Variants in MAP3K5 observed in about 807,000 individuals in gnomAD.
The protein encoded by MAP3K5 is ASK-1.
In MAP3K5, 56 loss-of-function variants were observed where a neutral mutation model predicts 158.7. That is an observed-to-expected ratio of 0.35 (90% CI 0.28 to 0.44). The LOEUF is 0.44. Among genes scored for constraint, MAP3K5 ranks in the 20% least tolerant of loss-of-function variants. MAP3K5 has a pLI of 1.00. For synonymous variants in MAP3K5, 579 were observed against 601.7 expected, an observed-to-expected ratio of 0.96 and a Z score of 0.55; for missense variants, 1,294 against 1,674.8, an observed-to-expected ratio of 0.77 and a Z score of 3.97.
intron 9 of MAP3K5, among the ~76,000 whole-genome samples, chr6:136,658,763 G>T (rs1345882999): frequency 1.3e-5 from 2 of 152,180 alleles, no homozygotes; most frequent in Non-Finnish European, 2.9e-5. Context: ...ACTCAAATGT[G>T]TCATCAGTCA....
chr6:136,562,605 C>G lies in MAP3K5; in HGVS notation c.3772G>C (p.Glu1258Gln). The G allele has an allele frequency of 6.3e-7, 1 of 1,585,594 alleles. No individual in the cohort carries two copies. The highest frequency in any genetic ancestry group is 8.6e-7 in the Non-Finnish European group (1 of 1,160,160). ...MKIETNRLLE[E>Q]LVRKEKELQA... ...AATTCTTTCTCTTTCCGAACCAATT[C>G]TTCCAGTAATCTGCAGAAGAAAAAT... Residue 1258 changes from glutamate to glutamine, a missense_variant, in exon 27 of 30, where the codon GAA becomes CAA. By Grantham distance (29) the Glu-to-Gln change is conservative. Around this residue, in one of 5 missense-constraint regions of MAP3K5, gnomAD observed 199 missense variants for 220.3 expected, o/e 0.90. Coordinates refer to ENST00000359015, the MANE Select transcript of MAP3K5 (RefSeq NM_005923.4).
At position 136,613,304 on chromosome 6, in the gene MAP3K5, C is replaced by A; in HGVS notation, c.2279-48G>T. ...AAATAAATCCTCATTCAAATGAGCT[C>A]TTTAAAGTGTATTAATAATGTAACA... On this transcript the variant is annotated intron_variant, in intron 16 of 29. Coordinates refer to ENST00000359015, the MANE Select transcript of MAP3K5 (RefSeq NM_005923.4). This position sits in a 1 kb window ranked among gnomAD's most constrained non-coding sequence, Gnocchi z 4.0. 1.3e-6 allele frequency: 2 copies of A among 1,531,274 alleles called. No individual in the cohort carries two copies. Among genetic ancestry groups the A allele is most frequent in the South Asian group, 2.4e-5 (2 of 84,650 alleles). The allele number at this position is 1,531,274 out of a possible 1,614,324, so 94.9% of individuals were successfully genotyped here.
At chr6:136,699,632 G>A (rs1490058897) in intron 3 of MAP3K5, among the ~76,000 whole-genome samples, 1 of 152,180 alleles carries the variant, frequency 6.6e-6, no homozygotes, top group Non-Finnish European at 1.5e-5. Context: ...ATAAACTGGT[G>A]CAAACAAAAG....
chr6:136,791,797 C>G lies in MAP3K5; in HGVS notation c.361G>C (p.Glu121Gln). 1 of 1,613,734 alleles carries G rather than the reference C, an allele frequency of 6.2e-7. No homozygotes were observed. The highest frequency in any genetic ancestry group is 8.5e-7 in the Non-Finnish European group (1 of 1,180,024). The change falls in exon 1 of 30, where the codon GAG (glutamate) becomes CAG (glutamine). Residue 121 changes from glutamate to glutamine, a missense_variant. Glu to Gln is a conservative substitution (Grantham distance 29, BLOSUM62 2). Coordinates refer to ENST00000359015, the MANE Select transcript of MAP3K5 (RefSeq NM_005923.4). ...GTTTCCAGGGTGGCGCCCACTGTCTCGCACGCCTCCCGCAAGCTCTGCAGG... is the reference window on the plus strand; with the variant it reads ...GTTTCCAGGGTGGCGCCCACTGTCTGGCACGCCTCCCGCAAGCTCTGCAGG... ...EALQSLREACETVGATLETLH... is the reference protein window; with the variant it reads ...EALQSLREACQTVGATLETLH...
intron 11 of MAP3K5, among the ~76,000 whole-genome samples, chr6:136,643,165 G>T (rs1192532154): frequency 6.6e-6 from 1 of 152,134 alleles, no homozygotes; most frequent in African/African-American, 2.4e-5. Flanking sequence ...TCAAAAATTT[G>T]ATTGTCATAC....
At chr6:136,690,329 T>C (rs563199524) in intron 7 of MAP3K5, among the ~76,000 whole-genome samples, 1 of 152,296 alleles carries the variant, frequency 6.6e-6, no homozygotes, top group South Asian at 2.1e-4. Context: ...TTTTTTTATG[T>C]TAAAACTTTA....
intron 24 of MAP3K5, among the ~76,000 whole-genome samples, chr6:136,582,242 A>ATG (rs1285453972): frequency 6.2e-5 from 9 of 145,978 alleles, no homozygotes; most frequent in African/African-American, 2.3e-4. Context: ...GCAGGCGTGT[A>ATG]TGTGTACACG....
chr6:136,751,224 C>A (rs943512771), intron 1 of MAP3K5, among the ~76,000 whole-genome samples: 1 of 151,068 alleles, frequency 6.6e-6, no homozygotes, highest in African/African-American at 2.4e-5. Context: ...TTATCCTGAA[C>A]CTTCCCACAC....
intron 14 of MAP3K5, among the ~76,000 whole-genome samples, chr6:136,633,169 T>G (rs1306262142): frequency 6.6e-6 from 1 of 152,008 alleles, no homozygotes; most frequent in Non-Finnish European, 1.5e-5. Context: ...GAGGCCGAGG[T>G]GGGTAGATCA....
intron 18 of MAP3K5, among the ~76,000 whole-genome samples, chr6:136,605,752 T>G (rs543424305): frequency 6.6e-6 from 1 of 152,346 alleles, no homozygotes; most frequent in South Asian, 2.1e-4. Flanking sequence ...TTATGTAAAC[T>G]TCTAATCTTT....
chr6:136,640,595 T>C (rs1777881072), intron 12 of MAP3K5, among the ~76,000 whole-genome samples: 1 of 152,220 alleles, frequency 6.6e-6, no homozygotes, highest in African/African-American at 2.4e-5. Flanking sequence ...ACTTCTTTCA[T>C]TGCTCTTCTC....
chr6:136,592,870 G>C, intron 21 of MAP3K5: 1 of 545,616 alleles, frequency 1.8e-6, no homozygotes, highest in Non-Finnish European at 3.5e-6. Context: ...AGTCAAGGAA[G>C]CCCAAGTTCA....
chr6:136,768,007 C>A (rs952494906), intron 1 of MAP3K5, among the ~76,000 whole-genome samples: 25 of 152,218 alleles, frequency 1.6e-4, no homozygotes, highest in African/African-American at 6.0e-4. Context: ...TATCCACATG[C>A]AAAAGAATGA....
At chr6:136,571,110 C>T (rs1774342244) in intron 25 of MAP3K5, among the ~76,000 whole-genome samples, 1 of 152,122 alleles carries the variant, frequency 6.6e-6, no homozygotes, top group Non-Finnish European at 1.5e-5. Context: ...CCAAGACCTC[C>T]CATGGACCAA....
At chr6:136,692,926 A>C (rs1780449858) in intron 7 of MAP3K5, among the ~76,000 whole-genome samples, 1 of 152,160 alleles carries the variant, frequency 6.6e-6, no homozygotes, top group Non-Finnish European at 1.5e-5. Context: ...ACTACACTAC[A>C]GCCTGAGTGA....
At chr6:136,674,193 C>G (rs1362693924) in intron 7 of MAP3K5, among the ~76,000 whole-genome samples, 1 of 151,280 alleles carries the variant, frequency 6.6e-6, no homozygotes, top group Non-Finnish European at 1.5e-5. Flanking sequence ...CAGATCTGAA[C>G]TATAAAAAAA....
rs780589836 is a variant in MAP3K5 at position 136,765,679 on chromosome 6, ATTTTTTTTT to A, written c.448+26022_448+26030del. ...AAGTGCCCACCACCATGCCTGGCTA[ATTTTTTTTT>A]TTTTTTTTTTTTTGTATTTTTAGTA... On this transcript the variant is annotated intron_variant, in intron 1 of 29. Transcript: ENST00000359015. 2.0e-4 allele frequency among the ~76,000 whole-genome samples: 24 copies of A among 120,016 alleles called. No homozygotes were observed. In the East Asian group the frequency reaches 4.8e-3, roughly 24 times the overall value. 78.7% of individuals were successfully genotyped at this position (120,016 alleles called of 152,430 possible). A position where few individuals can be genotyped will look rare whatever the true frequency, so the allele number is the denominator to read the frequency against.
chr6:136,783,050 T>A lies in MAP3K5; in HGVS notation c.448+8660A>T, dbSNP rs1451896613. Reference sequence around the variant, plus strand: ...TAGGCGCAGTGGCCCACGCCTGTAATCCCAGCACTTTGGGAGACTGAGGCA... The same window carrying A: ...TAGGCGCAGTGGCCCACGCCTGTAAACCCAGCACTTTGGGAGACTGAGGCA... On this transcript the variant is annotated intron_variant, in intron 1 of 29. Coordinates refer to ENST00000359015, the MANE Select transcript of MAP3K5 (RefSeq NM_005923.4). 2.0e-5 allele frequency among the ~76,000 whole-genome samples: 3 copies of A among 152,200 alleles called. No individual in the cohort carries two copies. The East Asian group carries it at 5.8e-4, about 29-fold the overall frequency.
At position 136,613,739 on chromosome 6, in the gene MAP3K5, C is replaced by T. The variant is rs1430110497; in HGVS notation, c.2278+420G>A. Reference sequence around the variant, plus strand: ...GAATGGTGCCAAAGAAAAGATCCCCCGAGACCATTACCCCTCCTTATGGAA... The same window carrying T: ...GAATGGTGCCAAAGAAAAGATCCCCTGAGACCATTACCCCTCCTTATGGAA... On this transcript the variant is annotated intron_variant, in intron 16 of 29. Coordinates refer to ENST00000359015, the MANE Select transcript of MAP3K5 (RefSeq NM_005923.4). This position sits in a 1 kb window ranked among gnomAD's most constrained non-coding sequence, Gnocchi z 4.0. Among the ~76,000 whole-genome samples the T allele has an allele frequency of 6.6e-6, 1 of 152,056 alleles. No homozygotes were observed. The highest frequency in any genetic ancestry group is 1.5e-5 in the Non-Finnish European group (1 of 68,018).
Sources: allele counts gnomAD v4.1 joint callset (sites outside exome capture counted in the v4.1 genomes callset), GRCh38; gene constraint gnomAD v4.1.1; regional missense constraint gnomAD v4.1.1; non-coding constraint Gnocchi (gnomAD v3.1); transcripts MANE v1.5; gene names NCBI Gene and HGNC (gene_info 2026-07-23, HGNC 2026-07-21).